The following AGPAT4 variants were observed in gnomAD, a reference collection of about 807,000 sequenced individuals.
AGPAT4 encodes 1-acylglycerol-3-phosphate O-acyltransferase 4, also known as 1-acyl-sn-glycerol-3-phosphate acyltransferase delta.
In AGPAT4, 15 loss-of-function variants were observed where a neutral mutation model predicts 48.0. The ratio of observed to expected loss-of-function variants is 0.31; its 90% CI spans 0.21 to 0.48. The LOEUF (loss-of-function observed/expected upper bound fraction) is 0.48. AGPAT4 is among the 20% of genes least tolerant of loss of function. The pLI, the probability that AGPAT4 is intolerant of heterozygous loss-of-function variation, is 0.99. For synonymous variants in AGPAT4, 178 were observed against 198.7 expected, an observed-to-expected ratio of 0.90 and a Z score of 0.88; for missense variants, 314 against 482.5, an observed-to-expected ratio of 0.65 and a Z score of 3.27.
chr6:161,181,090 A>G (rs1780573241), intron 2 of AGPAT4, among the ~76,000 whole-genome samples: 1 of 152,190 alleles, frequency 6.6e-6, no homozygotes, highest in Non-Finnish European at 1.5e-5. Context: ...ATTAATAAAA[A>G]TTAATAAAAG....
In AGPAT4 at chr6:161,225,227, T is replaced by C. The variant is rs10455877; in HGVS notation, c.178+6809A>G. On this transcript the variant is annotated intron_variant, in intron 2 of 8. Coordinates refer to ENST00000320285, the MANE Select transcript of AGPAT4 (RefSeq NM_020133.3). The surrounding 1 kb of genome is among the most constrained non-coding windows in gnomAD (Gnocchi z 5.0). ...CTGATTCCGTCCCCTGTCATAACCA[T>C]TTTTCCCGCCAAACCACTCACCCCG... 0.13 allele frequency among the ~76,000 whole-genome samples: 19,517 copies of C among 152,206 alleles called. 1,365 individuals carry two copies. Among genetic ancestry groups the C allele is most frequent in the Non-Finnish European group, 0.16 (10,847 of 68,004 alleles).
At chr6:161,172,620 A>G (rs1780298052) in intron 2 of AGPAT4, among the ~76,000 whole-genome samples, 1 of 151,574 alleles carries the variant, frequency 6.6e-6, no homozygotes, top group Non-Finnish European at 1.5e-5. Flanking sequence ...AATTTTTGAA[A>G]CTTTTGTCAT....
intron 2 of AGPAT4, among the ~76,000 whole-genome samples, chr6:161,179,313 T>C (rs1162133773): frequency 6.6e-6 from 1 of 152,172 alleles, no homozygotes; most frequent in African/African-American, 2.4e-5. Context: ...CTAAGGTTGC[T>C]GAAGACACTA....
chr6:161,250,254 AC>A (rs1782770971), intron 1 of AGPAT4, among the ~76,000 whole-genome samples: 1 of 152,230 alleles, frequency 6.6e-6, no homozygotes, highest in African/African-American at 2.4e-5. Context: ...TAGCTTTAAT[AC>A]CTGGTGACAA....
rs750826126 is a variant in AGPAT4, at chr6:161,139,556, CG to C, written c.907del (p.Arg303GlyfsTer7). ...CCAGTTCACGAGGGTCCAGGGCCGC[CG>C]GGGGGGCACCATGGGCGTCTCTGGG... is the stretch of plus-strand genomic sequence containing the variant. ...TFPETPMVPPRRPWTLVNWLF... is the reference protein window; with the variant it reads ...TFPETPMVPPXRPWTLVNWLF... On this transcript the variant is annotated frameshift_variant, in exon 8 of 9. Coordinates refer to ENST00000320285, the MANE Select transcript of AGPAT4 (RefSeq NM_020133.3). LOFTEE classifies it high-confidence loss of function. The surrounding 1 kb of genome is among the most constrained non-coding windows in gnomAD (Gnocchi z 9.1). 1 of 1,613,486 alleles carries C rather than the reference CG, an allele frequency of 6.2e-7. No individual in the cohort carries two copies. The highest frequency in any genetic ancestry group is 8.5e-7 in the Non-Finnish European group (1 of 1,179,742).
chr6:161,262,153 C>T lies in AGPAT4; in HGVS notation c.-90+11785G>A, dbSNP rs1247248704. ...AAGTCACCCTCTTCTGGCTAGCCACCCTCCTTCTATCCTGAGGTTCCAGTC... is the reference window on the plus strand; with the variant it reads ...AAGTCACCCTCTTCTGGCTAGCCACTCTCCTTCTATCCTGAGGTTCCAGTC... On this transcript the variant is annotated intron_variant, in intron 1 of 8. Transcript: ENST00000320285. The surrounding 1 kb of genome is among the most constrained non-coding windows in gnomAD (Gnocchi z 4.9). Among the ~76,000 whole-genome samples the T allele has an allele frequency of 6.6e-6, 1 of 152,022 alleles. No individual in the cohort carries two copies. Among genetic ancestry groups the T allele is most frequent in the African/African-American group, 2.4e-5 (1 of 41,398 alleles).
At chr6:161,248,467 G>A (rs183142891) in intron 1 of AGPAT4, among the ~76,000 whole-genome samples, 3 of 151,190 alleles carry the variant, frequency 2.0e-5, no homozygotes, top group Admixed American at 6.6e-5. Flanking sequence ...CCAGCTCCTC[G>A]TGAGGCTGAG....
At position 161,161,379 on chromosome 6, in the gene AGPAT4, C is replaced by T. The variant is rs769902652; in HGVS notation, c.348+4869G>A. On this transcript the variant is annotated intron_variant, in intron 3 of 8. Transcript: ENST00000320285. This position sits in a 1 kb window ranked among gnomAD's most constrained non-coding sequence, Gnocchi z 4.6. Reference sequence around the variant, plus strand: ...CTGCTACCTCGGTCGTCACCATTATCGGGTTCCTCATCCATGTGATTCCAG... The same window carrying T: ...CTGCTACCTCGGTCGTCACCATTATTGGGTTCCTCATCCATGTGATTCCAG... The T allele has an allele frequency of 2.3e-4, 106 of 456,760 alleles. No individual in the cohort carries two copies. Among genetic ancestry groups the T allele is most frequent in the African/African-American group, 1.7e-3 (87 of 50,212 alleles). 28.3% of individuals were successfully genotyped at this position (456,760 alleles called of 1,614,324 possible). A position where few individuals can be genotyped will look rare whatever the true frequency, so the allele number is the denominator to read the frequency against.
At chr6:161,185,703 T>C (rs1194394113) in intron 2 of AGPAT4, among the ~76,000 whole-genome samples, 1 of 152,110 alleles carries the variant, frequency 6.6e-6, no homozygotes, top group East Asian at 1.9e-4. Context: ...AGAAAATAAG[T>C]CCAGGAAGCA....
chr6:161,188,269 C>A (rs994456322), intron 2 of AGPAT4, among the ~76,000 whole-genome samples: 2 of 152,098 alleles, frequency 1.3e-5, no homozygotes, highest in Non-Finnish European at 2.9e-5. Flanking sequence ...GCCTAGGACG[C>A]CTTAGGATAT....
rs373498461 is a variant in AGPAT4, at chr6:161,201,281, C to A, written c.178+30755G>T. Reference sequence around the variant, plus strand: ...CATTAATGAAAAATGACAATTTTCTCTGGGACTGGATTAATGAGCTCTACA... The same window carrying A: ...CATTAATGAAAAATGACAATTTTCTATGGGACTGGATTAATGAGCTCTACA... On this transcript the variant is annotated intron_variant, in intron 2 of 8. Transcript: ENST00000320285. This position sits in a 1 kb window ranked among gnomAD's most constrained non-coding sequence, Gnocchi z 6.0. Among the ~76,000 whole-genome samples the A allele has an allele frequency of 1.3e-5, 2 of 152,112 alleles. No individual in the cohort carries two copies. The highest frequency in any genetic ancestry group is 1.9e-4 in the East Asian group (1 of 5,196).
chr6:161,152,349 G>C (rs1369395625), intron 5 of AGPAT4, among the ~76,000 whole-genome samples: 3 of 152,040 alleles, frequency 2.0e-5, no homozygotes. Context: ...AGCCCCAGAA[G>C]GGAGCGGGGC....
rs143920437 is a variant in AGPAT4 at position 161,217,608 on chromosome 6, T to A, written c.178+14428A>T. On this transcript the variant is annotated intron_variant, in intron 2 of 8. Transcript: ENST00000320285. The surrounding 1 kb of genome is among the most constrained non-coding windows in gnomAD (Gnocchi z 4.9). ...TAGTTGGAGACATAGGTATATATAA[T>A]CTGTTCCTTTCCATTTAAAGAAATT... 3.1e-4 allele frequency among the ~76,000 whole-genome samples: 47 copies of A among 152,356 alleles called. No homozygotes were observed. The East Asian group carries it at 9.1e-3, about 29-fold the overall frequency.
chr6:161,227,563 T>A (rs1434522563), intron 2 of AGPAT4, among the ~76,000 whole-genome samples: 1 of 152,174 alleles, frequency 6.6e-6, no homozygotes, highest in Non-Finnish European at 1.5e-5. Flanking sequence ...CTCCCAACCC[T>A]CTTGCACGCA....
intron 7 of AGPAT4, among the ~76,000 whole-genome samples, chr6:161,145,343 C>A (rs1431617400): frequency 5.3e-5 from 8 of 151,596 alleles, no homozygotes; most frequent in African/African-American, 2.0e-4. Flanking sequence ...TCCATACATA[C>A]AATTTGTAAT....
At position 161,184,235 on chromosome 6, in the gene AGPAT4, G is replaced by C. The variant is rs993626785; in HGVS notation, c.179-17818C>G. Among the ~76,000 whole-genome samples the C allele has an allele frequency of 6.6e-6, 1 of 152,058 alleles. No homozygotes were observed. Among genetic ancestry groups the C allele is most frequent in the African/African-American group, 2.4e-5 (1 of 41,406 alleles). ...CAGCCCAACAGGGGTGGTGGGCTCGGTGGGCATAGTGGAAATGGTGAGAAA... is the reference window on the plus strand; with the variant it reads ...CAGCCCAACAGGGGTGGTGGGCTCGCTGGGCATAGTGGAAATGGTGAGAAA... On this transcript the variant is annotated intron_variant, in intron 2 of 8. Transcript: ENST00000320285. This position sits in a 1 kb window ranked among gnomAD's most constrained non-coding sequence, Gnocchi z 4.8.
Position 161,218,376 on chromosome 6 carries a change from A to G in AGPAT4, c.178+13660T>C, listed in dbSNP as rs1284857866. ...TGGGAAGAGATTACCAAATTACCAG[A>G]GCTCCCTTTTAAAACATGCACGACT... On this transcript the variant is annotated intron_variant, in intron 2 of 8. Coordinates refer to ENST00000320285, the MANE Select transcript of AGPAT4 (RefSeq NM_020133.3). This position sits in a 1 kb window ranked among gnomAD's most constrained non-coding sequence, Gnocchi z 4.7. 1.3e-5 allele frequency among the ~76,000 whole-genome samples: 2 copies of G among 152,204 alleles called. No homozygotes were observed. Among genetic ancestry groups the G allele is most frequent in the Non-Finnish European group, 2.9e-5 (2 of 68,042 alleles).
rs191613348 is a variant in AGPAT4, at chr6:161,136,057, T to G, written c.*483A>C. The G allele has an allele frequency of 9.2e-5, 15 of 163,652 alleles. No individual in the cohort carries two copies. The East Asian group carries it at 2.7e-3, about 30-fold the overall frequency. The allele number at this position is 163,652 out of a possible 1,614,324, so 10.1% of individuals were successfully genotyped here. A position where few individuals can be genotyped will look rare whatever the true frequency, so the allele number is the denominator to read the frequency against. On this transcript the variant is annotated 3_prime_UTR_variant, in exon 9 of 9. Coordinates refer to ENST00000320285, the MANE Select transcript of AGPAT4 (RefSeq NM_020133.3). The stretch of plus-strand genomic sequence containing the variant: ...CAGGATGGAGGGGCAGCGGTCCATG[T>G]CAACATACACCACAGATGACCCAGA...
rs1347978148 is a variant in AGPAT4 at position 161,215,897 on chromosome 6, C to G, written c.178+16139G>C. Among the ~76,000 whole-genome samples, 1 of 152,112 alleles carries G rather than the reference C, an allele frequency of 6.6e-6. No individual in the cohort carries two copies. Among genetic ancestry groups the G allele is most frequent in the Non-Finnish European group, 1.5e-5 (1 of 68,014 alleles). ...TCAAATTGAGTAGAGCAGACATAGT[C>G]AAGTTTATCTATGCCGGCAAGCAAA... is the stretch of plus-strand genomic sequence containing the variant. On this transcript the variant is annotated intron_variant, in intron 2 of 8. Transcript: ENST00000320285. The surrounding 1 kb of genome is among the most constrained non-coding windows in gnomAD (Gnocchi z 4.5).
Sources: gnomAD v4.1 joint callset for allele counts (sites outside exome capture counted in the v4.1 genomes callset) on GRCh38, gnomAD v4.1.1 for gene constraint, Gnocchi (gnomAD v3.1) non-coding constraint, MANE v1.5 for transcripts, NCBI Gene and HGNC (gene_info 2026-07-23, HGNC 2026-07-21) for gene names.